The following CDHR3 variants were observed in gnomAD, a reference collection of about 807,000 sequenced individuals.
CDHR3 encodes cadherin-related family member 3.
A neutral mutation model predicts 86.6 loss-of-function variants in CDHR3; 79 were observed. The observed-to-expected ratio is 0.91, with a 90% CI of 0.76 to 1.10. The LOEUF is 1.10. Among genes scored for constraint, CDHR3 ranks in the 50% least tolerant of loss-of-function variants. The probability of loss-of-function intolerance (pLI) is 0.00; values close to 1 mark genes in which losing one functional copy is unlikely to be tolerated. For synonymous variants in CDHR3, 421 were observed against 402.4 expected (o/e 1.05, Z -0.55); for missense variants, 1,081 against 1,077.6 (o/e 1.00, Z -0.04).
At chr7:106,026,648 A>G (rs1419599255) in intron 15 of CDHR3, 34 bp from the exon 16 acceptor site, 1 of 1,612,500 alleles carries the variant, frequency 6.2e-7, no homozygotes, top group Non-Finnish European at 8.5e-7. Context: ...CATACTTTCA[A>G]GTGAATTAAT....
rs781439509 is a variant in CDHR3 at position 106,030,763 on chromosome 7, G to A, written c.2305-29G>A. 5.6e-6 allele frequency: 9 copies of A among 1,602,822 alleles called. No homozygotes were observed. The African/African-American group carries it at 9.4e-5, about 17-fold the overall frequency. ...CCTGGGGGAAGGAATGTAGGATTGT[G>A]TTTGATGCTGTCTCTGTCTTCTCCT... is the stretch of plus-strand genomic sequence containing the variant. On this transcript the variant is annotated intron_variant, in intron 17 of 18. Transcript: ENST00000317716. The surrounding 1 kb of genome is among the most constrained non-coding windows in gnomAD (Gnocchi z 4.8).
chr7:105,978,880 T>C (rs1829217825), intron 2 of CDHR3, among the ~76,000 whole-genome samples: 1 of 151,866 alleles, frequency 6.6e-6, no homozygotes, highest in Admixed American at 6.6e-5. Context: ...AATACTGAGG[T>C]CAAGGATCTA....
At chr7:106,031,754 G>C (rs1452619811) in intron 18 of CDHR3, among the ~76,000 whole-genome samples, 1 of 151,036 alleles carries the variant, frequency 6.6e-6, no homozygotes, top group Non-Finnish European at 1.5e-5. Context: ...GGCTCTTCCA[G>C]AGCAAAAGGG....
chr7:106,028,648 A>C, intron 17 of CDHR3, 66 bp downstream of exon 17: 4 of 1,567,232 alleles, frequency 2.6e-6, no homozygotes, highest in Non-Finnish European at 3.5e-6. Context: ...GTCTCCCCCG[A>C]AGGCAGGCCT....
intron 9 of CDHR3, among the ~76,000 whole-genome samples, chr7:106,014,533 A>T (rs1835279362): frequency 6.6e-6 from 1 of 152,182 alleles, no homozygotes; most frequent in Non-Finnish European, 1.5e-5. Context: ...AGATGGGAGG[A>T]TCATTTGAGG....
intron 2 of CDHR3, among the ~76,000 whole-genome samples, chr7:105,976,971 A>T (rs76846288): frequency 0.011 from 1,684 of 147,698 alleles, 46 homozygotes; most frequent in African/African-American, 0.04. Flanking sequence ...GCACATTCAC[A>T]TACCTGATCT....
chr7:105,972,090 C>T (rs1302494120), intron 1 of CDHR3, among the ~76,000 whole-genome samples: 1 of 152,032 alleles, frequency 6.6e-6, no homozygotes, highest in Non-Finnish European at 1.5e-5. Context: ...CATGACTGTT[C>T]CCTGAGTGGT....
chr7:106,025,764 C>T (rs887047880), intron 15 of CDHR3, among the ~76,000 whole-genome samples: 4 of 152,120 alleles, frequency 2.6e-5, no homozygotes, highest in Admixed American at 1.3e-4. Context: ...ATATTTATTG[C>T]GGAAGTTTGT....
intron 18 of CDHR3, among the ~76,000 whole-genome samples, chr7:106,031,590 G>T (rs1042666347): frequency 5.3e-5 from 8 of 152,152 alleles, no homozygotes; most frequent in Non-Finnish European, 1.0e-4. Context: ...GCTGCTGCTG[G>T]AATTAAATTT....
rs537084203 is a variant in CDHR3, at chr7:106,032,040, G to A, written c.2354-353G>A. Among the ~76,000 whole-genome samples, 4 of 152,304 alleles carry A rather than the reference G, an allele frequency of 2.6e-5. No individual in the cohort carries two copies. The Middle Eastern group carries it at 0.01, about 389-fold the overall frequency. On this transcript the variant is annotated intron_variant, in intron 18 of 18. Transcript: ENST00000317716. ...CAAACAAAATGAATCAGAAAGTAAC[G>A]GGTAATCCCATTAGAGATTGAACCT...
rs117394658 is a variant in CDHR3, at chr7:106,031,796, A to G, written c.2354-597A>G. On this transcript the variant is annotated intron_variant, in intron 18 of 18. Coordinates refer to ENST00000317716, the MANE Select transcript of CDHR3 (RefSeq NM_152750.5). ...TTTGTGTTTTTGTGTAGTTGAGAGA[A>G]AAAAAAAAAAAGAAAGACATGAGCC... Among the ~76,000 whole-genome samples, 948 of 119,642 alleles carry G rather than the reference A, an allele frequency of 7.9e-3. 4 individuals carry two copies. The highest frequency in any genetic ancestry group is 0.023 in the African/African-American group (863 of 36,908). The allele number at this position is 119,642 out of a possible 152,430, so 78.5% of individuals were successfully genotyped here.
intron 11 of CDHR3, among the ~76,000 whole-genome samples, chr7:106,017,537 C>T (rs188709312): frequency 7.7e-4 from 111 of 144,980 alleles, no homozygotes; most frequent in East Asian, 4.2e-3. Flanking sequence ...CCAGCCTGGG[C>T]GACAGAGTGA....
At chr7:105,965,578 T>A (rs1471061996) in intron 1 of CDHR3, among the ~76,000 whole-genome samples, 5 of 29,378 alleles carry the variant, frequency 1.7e-4, no homozygotes, top group Admixed American at 1.0e-3. Context: ...CCCCCCCCCA[T>A]GGAGTCTTCC....
intron 4 of CDHR3, among the ~76,000 whole-genome samples, chr7:105,993,093 G>A (rs1831607907): frequency 6.6e-6 from 1 of 152,178 alleles, no homozygotes; most frequent in South Asian, 2.1e-4. Context: ...AGACTTCAGG[G>A]GCTGTGGCTG....
At chr7:105,980,565 C>T (rs1367291508) in intron 2 of CDHR3, among the ~76,000 whole-genome samples, 10 of 141,998 alleles carry the variant, frequency 7.0e-5, no homozygotes, top group African/African-American at 2.7e-4. Flanking sequence ...TTCTAGGAGC[C>T]TACCCCCAAG....
intron 1 of CDHR3, 52 bp downstream of exon 1, chr7:105,963,416 A>G (rs1826339996): frequency 1.9e-6 from 3 of 1,557,272 alleles, no homozygotes; most frequent in Non-Finnish European, 2.7e-6. Context: ...GGTCTGCATA[A>G]TACCATTGAA....
intron 16 of CDHR3, among the ~76,000 whole-genome samples, chr7:106,028,141 ATAAAATAAAATAAAATAAAATAAAAT>A (rs1393160188): frequency 6.1e-4 from 71 of 117,144 alleles, no homozygotes; most frequent in Non-Finnish European, 1.2e-3. Context: ...ATAAAATAAA[ATAAAATAAAATAAAATAAAATAAAAT>A]AAAATAAAAT....
At chr7:105,998,253 C>A (rs1316704999) in intron 6 of CDHR3, among the ~76,000 whole-genome samples, 1 of 152,204 alleles carries the variant, frequency 6.6e-6, no homozygotes, top group Non-Finnish European at 1.5e-5. Context: ...AAAATTAAAT[C>A]TTCAAACAGA....
In CDHR3 at chr7:106,020,133, G is replaced by A. The variant is rs149869788; in HGVS notation, c.1654-240G>A. ...AGTTAATAGCATAGGATTTGGAGTA[G>A]GACAGACCTGAATTCAAATCCCAAC... On this transcript the variant is annotated intron_variant, in intron 12 of 18. Transcript: ENST00000317716. Among the ~76,000 whole-genome samples the A allele has an allele frequency of 7.4e-4, 112 of 152,202 alleles. 1 individual carries two copies. Among genetic ancestry groups the A allele is most frequent in the African/African-American group, 2.5e-3 (104 of 41,512 alleles).
Sources: gnomAD v4.1 joint callset for allele counts (sites outside exome capture counted in the v4.1 genomes callset) on GRCh38, gnomAD v4.1.1 for gene constraint, Gnocchi (gnomAD v3.1) non-coding constraint, MANE v1.5 for transcripts, NCBI Gene and HGNC (gene_info 2026-07-23, HGNC 2026-07-21) for gene names.